Variants in PLA2G12B observed in about 807,000 individuals in gnomAD.
PLA2G12B encodes phospholipase A2 group XIIB.
In PLA2G12B, 19 loss-of-function variants were observed where a neutral mutation model predicts 22.3. The ratio of observed to expected loss-of-function variants is 0.85; its 90% CI spans 0.60 to 1.25. PLA2G12B has a LOEUF of 1.25. Among genes scored for constraint, PLA2G12B ranks in the 50% most tolerant of loss-of-function variants. The pLI is 0.00. For synonymous variants in PLA2G12B, 81 were observed against 94.9 expected (o/e 0.85, Z 0.85); for missense variants, 191 against 246.6 (o/e 0.77, Z 1.51).
At chr10:72,940,552 A>G (rs991056767) in intron 3 of PLA2G12B, among the ~76,000 whole-genome samples, 10 of 151,946 alleles carry the variant, frequency 6.6e-5, no homozygotes, top group Admixed American at 6.5e-5. Context: ...GGTGCCTGTA[A>G]TCCCAGCTAC....
chr10:72,954,669 C>T lies in PLA2G12B; in HGVS notation c.17G>A (p.Gly6Asp). The part of the protein sequence containing the change: MKLAS[G>D]FLVLWLSLGG... ...AAGGCTGAGCCACAAAACCAAGAAG[C>T]CACTGGCCAGCTTCATCCTGCAGCC... The change falls in exon 1 of 4, where the codon GGC becomes GAC. Residue 6 changes from glycine to aspartate, a missense_variant. Transcript: ENST00000373032. 2 of 1,614,038 alleles carry T rather than the reference C, an allele frequency of 1.2e-6. No individual in the cohort carries two copies. The highest frequency in any genetic ancestry group is 1.7e-6 in the Non-Finnish European group (2 of 1,180,006).
rs117379900 is a variant in PLA2G12B at position 72,935,079 on chromosome 10, A to G, written c.*538T>C. 6.6e-6 allele frequency: 1 copy of G among 152,626 alleles called. No homozygotes were observed. Among genetic ancestry groups the G allele is most frequent in the Non-Finnish European group, 1.5e-5 (1 of 68,270 alleles). The allele number at this position is 152,626 out of a possible 1,614,324, so 9.5% of individuals were successfully genotyped here. A position where few individuals can be genotyped will look rare whatever the true frequency, so the allele number is the denominator to read the frequency against. ...TTTTCTCTGTTTAGCATCAGTGGGA[A>G]TAACTGTGGTCATTGGTGGAACTTA... is the stretch of plus-strand genomic sequence containing the variant. On this transcript the variant is annotated 3_prime_UTR_variant, in exon 4 of 4. Transcript: ENST00000373032.
chr10:72,950,725 C>T (rs1391661030), intron 1 of PLA2G12B, among the ~76,000 whole-genome samples: 1 of 152,162 alleles, frequency 6.6e-6, no homozygotes, highest in Non-Finnish European at 1.5e-5. Context: ...AATGATCCGC[C>T]GGCCTCAGCC....
At chr10:72,954,053 C>G (rs781073975) in intron 1 of PLA2G12B, among the ~76,000 whole-genome samples, 1 of 152,142 alleles carries the variant, frequency 6.6e-6, no homozygotes, top group African/African-American at 2.4e-5. Context: ...TCTGAATGTT[C>G]GGCTTCAGTT....
chr10:72,947,079 A>C (rs571684634), intron 1 of PLA2G12B, among the ~76,000 whole-genome samples: 3 of 152,148 alleles, frequency 2.0e-5, no homozygotes, highest in Non-Finnish European at 4.4e-5. Context: ...GCATGCCATC[A>C]TGCATGGCTA....
At chr10:72,943,967 T>TCTTTCTTTCTTTTTCTTTCTTC (rs1207174440) in intron 1 of PLA2G12B, among the ~76,000 whole-genome samples, 1 of 152,010 alleles carries the variant, frequency 6.6e-6, no homozygotes, top group Admixed American at 6.6e-5. Flanking sequence ...TTCTTTCTTT[T>TCTTTCTTTCTTTTTCTTTCTTC]CTTTCTTTCT....
intron 2 of PLA2G12B, 144 bp from the exon 3 acceptor site, chr10:72,941,478 T>A (rs1411632422): frequency 5.4e-6 from 4 of 738,748 alleles, no homozygotes; most frequent in African/African-American, 1.8e-5. Context: ...GAAACACCAA[T>A]GACTCAGTAG....
At chr10:72,939,504 G>C (rs982548986) in intron 3 of PLA2G12B, among the ~76,000 whole-genome samples, 7 of 152,198 alleles carry the variant, frequency 4.6e-5, no homozygotes, top group African/African-American at 1.7e-4. Context: ...GATTCACCGG[G>C]TTGGAAACAC....
At chr10:72,943,256 A>T (rs1846390550) in intron 1 of PLA2G12B, among the ~76,000 whole-genome samples, 1 of 152,116 alleles carries the variant, frequency 6.6e-6, no homozygotes, top group Non-Finnish European at 1.5e-5. Context: ...GTGAGCCACC[A>T]CACCCAATAA....
chr10:72,935,747 A>G lies in PLA2G12B; in HGVS notation c.467-9T>C. On this transcript the variant is annotated splice_polypyrimidine_tract_variant and intron_variant, in intron 3 of 3. Coordinates refer to ENST00000373032, the MANE Select transcript of PLA2G12B (RefSeq NM_032562.5). Reference sequence around the variant, plus strand: ...CAGGGAATCACAGGCTGCTTGAAAAAGATGAAGAGGGACAGAAAGGTTAAC... The same window carrying G: ...CAGGGAATCACAGGCTGCTTGAAAAGGATGAAGAGGGACAGAAAGGTTAAC... 6.2e-7 allele frequency: 1 copy of G among 1,613,340 alleles called. No homozygotes were observed. The highest frequency in any genetic ancestry group is 8.5e-7 in the Non-Finnish European group (1 of 1,179,608).
intron 1 of PLA2G12B, among the ~76,000 whole-genome samples, chr10:72,944,705 T>C (rs1846413596): frequency 6.6e-6 from 1 of 152,214 alleles, no homozygotes; most frequent in Non-Finnish European, 1.5e-5. Context: ...GAATATCTCA[T>C]AAAAATCCAG....
intron 3 of PLA2G12B, among the ~76,000 whole-genome samples, chr10:72,936,656 T>C (rs188662081): frequency 1.5e-4 from 23 of 152,276 alleles, no homozygotes; most frequent in Non-Finnish European, 2.4e-4. Context: ...TTGGGACTAA[T>C]GAAAATGTTC....
At chr10:72,945,309 C>T (rs1443265904) in intron 1 of PLA2G12B, among the ~76,000 whole-genome samples, 5 of 152,072 alleles carry the variant, frequency 3.3e-5, no homozygotes, top group Non-Finnish European at 7.4e-5. Context: ...CTGTCTTGGG[C>T]TCTCTTACTC....
chr10:72,945,805 A>G (rs1014222089), intron 1 of PLA2G12B, among the ~76,000 whole-genome samples: 4 of 151,806 alleles, frequency 2.6e-5, no homozygotes, highest in African/African-American at 9.7e-5. Context: ...GCACCACCAC[A>G]CCCAGCTAAT....
intron 1 of PLA2G12B, among the ~76,000 whole-genome samples, chr10:72,944,921 A>G (rs758204769): frequency 7.2e-5 from 11 of 152,186 alleles, no homozygotes; most frequent in Non-Finnish European, 1.5e-4. Context: ...ACACTCCAGA[A>G]TGTTATACAC....
chr10:72,944,508 A>G (rs75439884), intron 1 of PLA2G12B, among the ~76,000 whole-genome samples: 2,709 of 152,306 alleles, frequency 0.018, 75 homozygotes, highest in African/African-American at 0.056. Context: ...TGAAAAATCC[A>G]TTGAATGTAT....
intron 3 of PLA2G12B, among the ~76,000 whole-genome samples, chr10:72,937,542 T>C (rs1846297570): frequency 6.6e-6 from 1 of 152,194 alleles, no homozygotes; most frequent in African/African-American, 2.4e-5. Flanking sequence ...CCAATTCATT[T>C]TATGAGGTCA....
chr10:72,947,938 C>T (rs781191541), intron 1 of PLA2G12B, among the ~76,000 whole-genome samples: 16 of 152,106 alleles, frequency 1.1e-4, no homozygotes, highest in Admixed American at 3.3e-4. Context: ...CTCAAGATAG[C>T]GTTTCAGCTC....
intron 3 of PLA2G12B, among the ~76,000 whole-genome samples, chr10:72,937,104 A>G (rs1429943377): frequency 6.6e-6 from 1 of 152,152 alleles, no homozygotes; most frequent in Non-Finnish European, 1.5e-5. Flanking sequence ...CCAGCTACTC[A>G]GGAGGCTGAG....
Sources: allele counts gnomAD v4.1 joint callset (sites outside exome capture counted in the v4.1 genomes callset), GRCh38; gene constraint gnomAD v4.1.1; transcripts MANE v1.5; gene names NCBI Gene and HGNC (gene_info 2026-07-23, HGNC 2026-07-21).